The following GRM8 variants were observed in gnomAD, a reference collection of about 807,000 sequenced individuals.
GRM8 encodes glutamate metabotropic receptor 8, also known as metabotropic glutamate receptor 8.
Under a neutral mutation model 87.2 loss-of-function variants are expected in GRM8, and 47 were observed. The observed-to-expected ratio is 0.54, with a 90% CI of 0.43 to 0.69. The LOEUF (loss-of-function observed/expected upper bound fraction) is 0.69. Among genes scored for constraint, GRM8 ranks in the 30% least tolerant of loss-of-function variants. GRM8 has a pLI of 0.00. For synonymous variants in GRM8, 396 were observed against 404.5 expected, an observed-to-expected ratio of 0.98 and a Z score of 0.25; for missense variants, 1,019 against 1,139.2, an observed-to-expected ratio of 0.89 and a Z score of 1.52.
chr7:127,174,754 T>G (rs17869372), intron 2 of GRM8, among the ~76,000 whole-genome samples: 1 of 152,302 alleles, frequency 6.6e-6, no homozygotes, highest in African/African-American at 2.4e-5. Flanking sequence ...TAACCATGTA[T>G]AAAAAGCTGT....
At chr7:127,250,003 T>C (rs1798777689) in intron 1 of GRM8, among the ~76,000 whole-genome samples, 1 of 152,148 alleles carries the variant, frequency 6.6e-6, no homozygotes, top group Non-Finnish European at 1.5e-5. Flanking sequence ...TAAAGCAAGG[T>C]CATCTTTATG....
At chr7:126,453,349 A>C (rs1802862803) in intron 9 of GRM8, among the ~76,000 whole-genome samples, 1 of 151,786 alleles carries the variant, frequency 6.6e-6, no homozygotes, top group Non-Finnish European at 1.5e-5. Flanking sequence ...ATCCATTTGC[A>C]GTCACTTATC....
At chr7:127,118,280 T>C (rs1826821290) in intron 2 of GRM8, 1 of 152,168 alleles carries the variant, frequency 6.6e-6, no homozygotes. Context: ...ATGGACATCA[T>C]TGGTAACAGG....
chr7:126,771,383 GTC>G (rs1432467010), intron 6 of GRM8, among the ~76,000 whole-genome samples: 2 of 151,364 alleles, frequency 1.3e-5, no homozygotes, highest in Non-Finnish European at 2.9e-5. Flanking sequence ...TGGTATTCTG[GTC>G]TCTGTGGTCT....
At chr7:126,506,274 T>C (rs986810376) in intron 9 of GRM8, among the ~76,000 whole-genome samples, 25 of 151,876 alleles carry the variant, frequency 1.6e-4, no homozygotes, top group Admixed American at 3.3e-4. Context: ...CACACACACA[T>C]ATATATGTCA....
At chr7:126,439,473 TG>T (rs1008546959) in intron 10 of GRM8, among the ~76,000 whole-genome samples, 1 of 152,140 alleles carries the variant, frequency 6.6e-6, no homozygotes, top group African/African-American at 2.4e-5. Context: ...GTTTGTGGTT[TG>T]TTGTGTAAAC....
chr7:126,975,383 A>C lies in GRM8; in HGVS notation c.728-70700T>G, dbSNP rs540681802. 9.2e-5 allele frequency among the ~76,000 whole-genome samples: 14 copies of C among 152,356 alleles called. No individual in the cohort carries two copies. In the South Asian group the frequency reaches 1.4e-3, roughly 16 times the overall value. On this transcript the variant is annotated intron_variant, in intron 3 of 10. Coordinates refer to ENST00000339582, the MANE Select transcript of GRM8 (RefSeq NM_000845.3). ...GGAGACAAAACATGATTTACATTTC[A>C]GGGAGAAGGGAGGATGATGAAGGTC...
intron 2 of GRM8, among the ~76,000 whole-genome samples, chr7:127,107,649 C>T (rs1825933326): frequency 6.6e-6 from 1 of 152,176 alleles, no homozygotes; most frequent in Non-Finnish European, 1.5e-5. Flanking sequence ...AATGTCAGTG[C>T]TCAAAGAGGA....
chr7:126,952,862 T>C (rs1377720432), intron 3 of GRM8, among the ~76,000 whole-genome samples: 1 of 151,978 alleles, frequency 6.6e-6, no homozygotes, highest in African/African-American at 2.4e-5. Flanking sequence ...AACAACAAAA[T>C]GTGACATGGG....
chr7:127,243,506 A>G lies in GRM8; in HGVS notation c.-302T>C. 2.8e-6 allele frequency: 1 copy of G among 351,164 alleles called. No homozygotes were observed. Among genetic ancestry groups the G allele is most frequent in the Admixed American group, 4.4e-5 (1 of 22,770 alleles). The allele number at this position is 351,164 out of a possible 1,614,324, so 21.8% of individuals were successfully genotyped here. A position where few individuals can be genotyped will look rare whatever the true frequency, so the allele number is the denominator to read the frequency against. Reference sequence around the variant, plus strand: ...ATGTCCTTGAAATCAGCCTTGTAGCAGAATTATTCCTGGGAAGAGGGGAAA... The same window carrying G: ...ATGTCCTTGAAATCAGCCTTGTAGCGGAATTATTCCTGGGAAGAGGGGAAA... On this transcript the variant is annotated 5_prime_UTR_variant, in exon 2 of 11. Transcript: ENST00000339582.
intron 7 of GRM8, among the ~76,000 whole-genome samples, chr7:126,711,489 T>A (rs1811090339): frequency 6.6e-6 from 1 of 152,218 alleles, no homozygotes; most frequent in East Asian, 1.9e-4. Context: ...GCATAATTCT[T>A]AAGAGCCCTA....
At chr7:126,565,567 CCT>C (rs1375133435) in intron 8 of GRM8, among the ~76,000 whole-genome samples, 1 of 151,932 alleles carries the variant, frequency 6.6e-6, no homozygotes, top group Non-Finnish European at 1.5e-5. Flanking sequence ...GGAAAGACAT[CCT>C]GTATTTATGG....
intron 6 of GRM8, among the ~76,000 whole-genome samples, chr7:126,889,176 T>G (rs1800765643): frequency 6.6e-6 from 1 of 152,130 alleles, no homozygotes; most frequent in African/African-American, 2.4e-5. Context: ...TTGAGTGACC[T>G]TTGTGAAAGA....
At chr7:126,768,250 G>A (rs1189515387) in intron 7 of GRM8, among the ~76,000 whole-genome samples, 1 of 149,194 alleles carries the variant, frequency 6.7e-6, no homozygotes, top group Non-Finnish European at 1.5e-5. Context: ...AGTTCTCCAG[G>A]AAACTCGAAG....
intron 7 of GRM8, among the ~76,000 whole-genome samples, chr7:126,683,211 C>G (rs1361060629): frequency 1.3e-5 from 2 of 152,230 alleles, no homozygotes; most frequent in Non-Finnish European, 2.9e-5. Flanking sequence ...TTGTTTCCTA[C>G]TCCCCACCCT....
intron 6 of GRM8, among the ~76,000 whole-genome samples, chr7:126,875,254 T>A (rs2130934819): frequency 6.6e-6 from 1 of 151,818 alleles, no homozygotes; most frequent in Admixed American, 6.6e-5. Context: ...TTAAAAGGTA[T>A]TACAACTGTA....
In GRM8 at chr7:126,585,298, A is replaced by C. The variant is rs149079761; in HGVS notation, c.1494+24064T>G. Among the ~76,000 whole-genome samples the C allele has an allele frequency of 4.2e-3, 635 of 152,288 alleles. 11 individuals are homozygous for C. The South Asian group carries it at 0.042, about 10-fold the overall frequency. On this transcript the variant is annotated intron_variant, in intron 8 of 10. Transcript: ENST00000339582. Reference sequence around the variant, plus strand: ...ACTACATATTAAACAATAAGGCATAAACCCATCTGAGTATTAGTGAGAATT... The same window carrying C: ...ACTACATATTAAACAATAAGGCATACACCCATCTGAGTATTAGTGAGAATT...
chr7:126,649,205 C>T (rs938367337), intron 7 of GRM8, among the ~76,000 whole-genome samples: 4 of 152,142 alleles, frequency 2.6e-5, no homozygotes, highest in African/African-American at 9.7e-5. Flanking sequence ...GGTATTGACT[C>T]TGGGTGGGTC....
chr7:127,134,667 A>C (rs1827857499), intron 2 of GRM8, among the ~76,000 whole-genome samples: 1 of 152,226 alleles, frequency 6.6e-6, no homozygotes, highest in Non-Finnish European at 1.5e-5. Context: ...AATATTTTAA[A>C]ACATTATAAA....
Sources: gnomAD v4.1 joint callset for allele counts (sites outside exome capture counted in the v4.1 genomes callset) on GRCh38, gnomAD v4.1.1 for gene constraint, MANE v1.5 for transcripts, NCBI Gene and HGNC (gene_info 2026-07-23, HGNC 2026-07-21) for gene names.